ERMP1: variants seen among roughly 807,000 people sequenced by gnomAD.
The protein encoded by ERMP1 is Felix-ina.
In ERMP1, 86 loss-of-function variants were observed where a neutral mutation model predicts 92.0. The observed-to-expected ratio is 0.93, with a 90% CI of 0.79 to 1.12. ERMP1 has a LOEUF of 1.12. Ranked by LOEUF, ERMP1 falls within the 50% of genes most tolerant of loss-of-function variation. The probability of loss-of-function intolerance (pLI) is 0.00; values close to 1 mark genes in which losing one functional copy is unlikely to be tolerated. For synonymous variants in ERMP1, 530 were observed against 412.8 expected (o/e 1.28, Z -3.44); for missense variants, 1,342 against 1,116.3 (o/e 1.20, Z -2.88).
chr9:5,791,611 A>C (rs1031015745), intron 13 of ERMP1, among the ~76,000 whole-genome samples: 3 of 152,192 alleles, frequency 2.0e-5, no homozygotes, highest in African/African-American at 7.2e-5. Context: ...CTCACTTTTT[A>C]AAACACCTCA....
At position 5,801,315 on chromosome 9, in the gene ERMP1, T is replaced by C. The variant is rs1314702950; in HGVS notation, c.1928A>G (p.Tyr643Cys). The change falls in exon 11 of 15, where the codon TAC becomes TGC. Residue 643 changes from tyrosine to cysteine, a missense_variant. Transcript: ENST00000339450. Reference sequence around the variant, plus strand: ...GGTTTTTTTTGTGCTCTTGGCAAGGTAGATGAAGTTAATCTGAAACACAAA... The same window carrying C: ...GGTTTTTTTTGTGCTCTTGGCAAGGCAGATGAAGTTAATCTGAAACACAAA... ...ILSSYFINFIYLAKSTKKTML... is the reference protein window; with the variant it reads ...ILSSYFINFICLAKSTKKTML... 1.1e-5 allele frequency: 17 copies of C among 1,610,972 alleles called. No individual in the cohort carries two copies. Among genetic ancestry groups the C allele is most frequent in the South Asian group, 4.4e-5 (4 of 90,230 alleles).
At position 5,787,361 on chromosome 9, in the gene ERMP1, C is replaced by CTT; in HGVS notation, c.2551-54_2551-53insAA. 1.9e-5 allele frequency: 31 copies of CTT among 1,602,358 alleles called. No homozygotes were observed. In the South Asian group the frequency reaches 3.1e-4, roughly 16 times the overall value. ...AGTTCTCAGAAGCCAGAATACTGAA[C>CTT]CCAAGGTTCTTGCTAAATACCACCT... On this transcript the variant is annotated intron_variant, in intron 14 of 14. Coordinates refer to ENST00000339450, the MANE Select transcript of ERMP1 (RefSeq NM_024896.3).
At chr9:5,844,090 C>T (rs1256730678) in intron 6 of ERMP1, among the ~76,000 whole-genome samples, 1 of 152,096 alleles carries the variant, frequency 6.6e-6, no homozygotes. Flanking sequence ...CATACATTTC[C>T]TTACCAGGGG....
At position 5,787,049 on chromosome 9, in the gene ERMP1, T is replaced by A; in HGVS notation, c.*95A>T. 8.0e-7 allele frequency: 1 copy of A among 1,246,788 alleles called. No homozygotes were observed. The highest frequency in any genetic ancestry group is 1.5e-5 in the South Asian group (1 of 66,500). The allele number at this position is 1,246,788 out of a possible 1,614,324, so 77.2% of individuals were successfully genotyped here. ...TCTTTGAACATATGATCATTAAAAT[T>A]CATTGACTTACGTTACAAACATCCA... On this transcript the variant is annotated 3_prime_UTR_variant, in exon 15 of 15. Coordinates refer to ENST00000339450, the MANE Select transcript of ERMP1 (RefSeq NM_024896.3).
chr9:5,785,707 G>C lies in ERMP1; in HGVS notation c.*1437C>G, dbSNP rs1429012201. ...TTACTGTGCTCTTTCTATTCAGACA[G>C]ATCCACAGACCACCTTTCAAGAGCA... On this transcript the variant is annotated 3_prime_UTR_variant, in exon 15 of 15. Coordinates refer to ENST00000339450, the MANE Select transcript of ERMP1 (RefSeq NM_024896.3). The C allele has an allele frequency of 6.5e-6, 1 of 152,708 alleles. No homozygotes were observed. The allele number at this position is 152,708 out of a possible 1,614,324, so 9.5% of individuals were successfully genotyped here. A position where few individuals can be genotyped will look rare whatever the true frequency, so the allele number is the denominator to read the frequency against.
At chr9:5,804,884 A>C in intron 10 of ERMP1, 143 bp downstream of exon 10, 2 of 655,076 alleles carry the variant, frequency 3.1e-6, no homozygotes, top group Non-Finnish European at 5.1e-6. Flanking sequence ...AATTTACAAG[A>C]TGCATGGCCA....
intron 11 of ERMP1, 45 bp from the exon 12 acceptor site, chr9:5,799,053 C>T: frequency 7.4e-7 from 1 of 1,354,062 alleles, no homozygotes; most frequent in Non-Finnish European, 1.1e-6. Context: ...ACTAGTACAC[C>T]CACATTCCCA....
intron 6 of ERMP1, among the ~76,000 whole-genome samples, chr9:5,850,272 G>T (rs1830292117): frequency 6.6e-6 from 1 of 151,916 alleles, no homozygotes; most frequent in Non-Finnish European, 1.5e-5. Context: ...GGGCATGGTG[G>T]CAGGCACCTA....
intron 6 of ERMP1, chr9:5,856,099 G>T (rs79572458): frequency 2.7e-6 from 1 of 371,572 alleles, no homozygotes; most frequent in Non-Finnish European, 5.4e-6. Context: ...TAAGTGTTTC[G>T]AATGGAATCT....
intron 5 of ERMP1, 48 bp downstream of exon 5, chr9:5,812,841 T>G (rs1305625108): frequency 6.2e-7 from 1 of 1,610,106 alleles, no homozygotes; most frequent in South Asian, 1.1e-5. Context: ...AAAATTTGCT[T>G]TTGATAAATA....
intron 2 of ERMP1, among the ~76,000 whole-genome samples, chr9:5,825,798 T>G (rs895100561): frequency 6.6e-6 from 1 of 152,228 alleles, no homozygotes. Flanking sequence ...AGGAGACTAA[T>G]GACCTAAGTA....
At chr9:5,829,339 C>G (rs902271903) in intron 2 of ERMP1, among the ~76,000 whole-genome samples, 1 of 151,778 alleles carries the variant, frequency 6.6e-6, no homozygotes, top group African/African-American at 2.4e-5. Flanking sequence ...ACATTCTAAA[C>G]GCAATTGTCA....
intron 14 of ERMP1, 46 bp downstream of exon 14, chr9:5,787,384 C>G: frequency 2.5e-6 from 4 of 1,606,362 alleles, no homozygotes; most frequent in African/African-American, 1.3e-5. Context: ...CTAAATACCA[C>G]CTGGGAACCT....
rs370876886 is a variant in ERMP1, at chr9:5,846,580, C to G, written n.3199+12888G>C. Among the ~76,000 whole-genome samples the G allele has an allele frequency of 2.4e-4, 37 of 152,316 alleles. No homozygotes were observed. The East Asian group carries it at 3.7e-3, about 15-fold the overall frequency. ...CTTGGGAACCTTGCATGGTTTCACT[C>G]ATGTATGTGTGATTATCACATCTAA... On this transcript the variant is annotated intron_variant and non_coding_transcript_variant, in intron 6 of 6. Transcript: ENST00000690753.
intron 6 of ERMP1, among the ~76,000 whole-genome samples, chr9:5,838,962 T>C (rs945955564): frequency 1.3e-5 from 2 of 152,228 alleles, no homozygotes; most frequent in Admixed American, 6.5e-5. Context: ...ATGAGTTCAG[T>C]GTTCCCTTTA....
At chr9:5,825,020 T>C (rs978497683) in intron 3 of ERMP1, 72 bp downstream of exon 3, 1 of 1,449,112 alleles carries the variant, frequency 6.9e-7, no homozygotes. Context: ...TACTATTTAG[T>C]AAATAATATT....
chr9:5,848,460 T>G (rs982005505), intron 6 of ERMP1, among the ~76,000 whole-genome samples: 24 of 152,202 alleles, frequency 1.6e-4, no homozygotes, highest in Non-Finnish European at 3.4e-4. Flanking sequence ...TACATTCGTA[T>G]TGTTCTAGGT....
chr9:5,806,675 A>T (rs1828885772), intron 8 of ERMP1, among the ~76,000 whole-genome samples: 1 of 152,102 alleles, frequency 6.6e-6, no homozygotes, highest in Admixed American at 6.5e-5. Flanking sequence ...CCTGGCCTCA[A>T]GCAGTCTTCC....
intron 13 of ERMP1, among the ~76,000 whole-genome samples, chr9:5,794,650 A>G (rs1248488909): frequency 1.6e-4 from 24 of 152,238 alleles, no homozygotes; most frequent in Non-Finnish European, 1.6e-4. Flanking sequence ...TAACCTAGAT[A>G]AAATGAACCA....
Sources: allele counts gnomAD v4.1 joint callset (sites outside exome capture counted in the v4.1 genomes callset), GRCh38; gene constraint gnomAD v4.1.1; transcripts MANE v1.5; gene names NCBI Gene and HGNC (gene_info 2026-07-23, HGNC 2026-07-21).